Variants in MARCHF1 observed in about 807,000 individuals in gnomAD.
MARCHF1 encodes the protein E3 ubiquitin-protein ligase MARCHF1.
MARCHF1 carries 40 observed loss-of-function variants against 54.2 expected under a neutral mutation model. The ratio of observed to expected loss-of-function variants is 0.74; its 90% CI spans 0.57 to 0.96. The LOEUF (loss-of-function observed/expected upper bound fraction) is 0.96, where lower values mean the gene tolerates loss of function less well. MARCHF1 is among the 40% of genes least tolerant of loss of function. MARCHF1 has a pLI of 0.00. For synonymous variants in MARCHF1, 236 were observed against 236.3 expected (o/e 1.00, Z 0.01); for missense variants, 586 against 656.5 (o/e 0.89, Z 1.17).
intron 4 of MARCHF1, among the ~76,000 whole-genome samples, chr4:163,782,686 AAG>A (rs1554013230): frequency 6.7e-6 from 1 of 150,360 alleles, no homozygotes; most frequent in African/African-American, 2.5e-5. Context: ...AAAAAAAAAA[AAG>A]AAAGAAAGAA....
intron 1 of MARCHF1, among the ~76,000 whole-genome samples, chr4:164,209,519 G>C (rs143158151): frequency 3.3e-5 from 5 of 152,196 alleles, no homozygotes; most frequent in African/African-American, 1.2e-4. Flanking sequence ...AAACTATAAG[G>C]TTCCATATGA....
intron 4 of MARCHF1, among the ~76,000 whole-genome samples, chr4:163,746,780 C>T (rs1746373533): frequency 6.6e-6 from 1 of 152,142 alleles, no homozygotes; most frequent in Non-Finnish European, 1.5e-5. Flanking sequence ...GCTAATGTGA[C>T]TGACATCTGT....
chr4:163,884,128 G>C (rs116413728), intron 3 of MARCHF1, among the ~76,000 whole-genome samples: 6 of 152,088 alleles, frequency 3.9e-5, no homozygotes, highest in Non-Finnish European at 8.8e-5. Flanking sequence ...TGTTAGAGGT[G>C]CTCAAACCAT....
chr4:163,918,598 C>T (rs1374244218), intron 3 of MARCHF1, among the ~76,000 whole-genome samples: 1 of 152,128 alleles, frequency 6.6e-6, no homozygotes, highest in African/African-American at 2.4e-5. Context: ...CAACATGCAA[C>T]TTCACTTTAT....
rs1165176091 is a variant in MARCHF1 at position 163,619,155 on chromosome 4, T to C, written c.163-5762A>G. Among the ~76,000 whole-genome samples, 9 of 152,186 alleles carry C rather than the reference T, an allele frequency of 5.9e-5. No homozygotes were observed. The South Asian group carries it at 1.2e-3, about 21-fold the overall frequency. On this transcript the variant is annotated intron_variant, in intron 5 of 9. Coordinates refer to ENST00000514618, the MANE Select transcript of MARCHF1 (RefSeq NM_001394959.1). ...GTAGATGGAGGTTTTGAATGTTACATTGACGTGTTGGATTGCATCCTGAAA... is the reference window on the plus strand; with the variant it reads ...GTAGATGGAGGTTTTGAATGTTACACTGACGTGTTGGATTGCATCCTGAAA...
intron 3 of MARCHF1, among the ~76,000 whole-genome samples, chr4:163,869,322 T>C (rs971164824): frequency 2.0e-5 from 3 of 152,066 alleles, no homozygotes; most frequent in Non-Finnish European, 2.9e-5. Context: ...TTTAGGAAAT[T>C]TGTCACAGAG....
chr4:163,631,682 A>G (rs1742088841), intron 5 of MARCHF1, among the ~76,000 whole-genome samples: 1 of 152,218 alleles, frequency 6.6e-6, no homozygotes, highest in Admixed American at 6.5e-5. Context: ...TACAAGATAA[A>G]GTTTAATTAA....
intron 4 of MARCHF1, among the ~76,000 whole-genome samples, chr4:163,765,579 T>C (rs1458352781): frequency 6.6e-6 from 1 of 152,082 alleles, no homozygotes; most frequent in Non-Finnish European, 1.5e-5. Context: ...TTATAAATTG[T>C]GTGCTACACA....
At chr4:164,346,892 C>T (rs548053407) in intron 1 of MARCHF1, among the ~76,000 whole-genome samples, 62 of 151,934 alleles carry the variant, frequency 4.1e-4, no homozygotes, top group African/African-American at 1.3e-3. Context: ...CCTCTTTAAA[C>T]ATCTTTAGGA....
intron 1 of MARCHF1, among the ~76,000 whole-genome samples, chr4:164,211,331 G>GTATGTATATA (rs1553992061): frequency 2.6e-5 from 3 of 115,960 alleles, no homozygotes; most frequent in Admixed American, 7.9e-5. Context: ...ATGTATGTAT[G>GTATGTATATA]TATATATATA....
intron 4 of MARCHF1, among the ~76,000 whole-genome samples, chr4:163,827,540 A>G (rs1284804996): frequency 6.6e-6 from 1 of 152,150 alleles, no homozygotes. Context: ...GATTGAATAA[A>G]ATGTTTCCTA....
At chr4:163,657,456 A>G (rs922820062) in intron 5 of MARCHF1, among the ~76,000 whole-genome samples, 4 of 152,150 alleles carry the variant, frequency 2.6e-5, no homozygotes, top group African/African-American at 4.8e-5. Context: ...GATAGGAAGA[A>G]TCAATATCAT....
chr4:163,679,821 C>T (rs995627801), intron 5 of MARCHF1, among the ~76,000 whole-genome samples: 142 of 151,826 alleles, frequency 9.4e-4, no homozygotes, highest in African/African-American at 3.3e-3. Flanking sequence ...ACCGTGGTCT[C>T]GATCTCCTGA....
intron 8 of MARCHF1, among the ~76,000 whole-genome samples, chr4:163,570,886 T>C (rs1370246754): frequency 2.0e-5 from 3 of 152,064 alleles, no homozygotes; most frequent in East Asian, 3.9e-4. Context: ...AGTACTGTTA[T>C]CTGCTATTTT....
intron 7 of MARCHF1, among the ~76,000 whole-genome samples, chr4:163,606,999 G>A (rs777736920): frequency 2.0e-5 from 3 of 151,988 alleles, no homozygotes; most frequent in South Asian, 2.1e-4. Flanking sequence ...ATGTAAGCCC[G>A]AAGCTACCTC....
At chr4:163,652,575 A>C (rs1055572723) in intron 5 of MARCHF1, among the ~76,000 whole-genome samples, 13 of 151,718 alleles carry the variant, frequency 8.6e-5, no homozygotes, top group African/African-American at 3.1e-4. Flanking sequence ...CCTATCTAAA[A>C]GTCCCCGTTT....
chr4:163,632,580 T>C (rs1250755614), intron 5 of MARCHF1, among the ~76,000 whole-genome samples: 1 of 152,212 alleles, frequency 6.6e-6, no homozygotes, highest in Non-Finnish European at 1.5e-5. Flanking sequence ...ATCCCGCACC[T>C]GGCTTGGAGG....
chr4:164,201,601 G>A (rs1731456782), intron 1 of MARCHF1, among the ~76,000 whole-genome samples: 1 of 152,162 alleles, frequency 6.6e-6, no homozygotes, highest in Admixed American at 6.5e-5. Flanking sequence ...CATGTTGGTG[G>A]TCTGGAAAGG....
At chr4:163,760,263 G>A (rs987925777) in intron 4 of MARCHF1, among the ~76,000 whole-genome samples, 9 of 152,110 alleles carry the variant, frequency 5.9e-5, no homozygotes, top group African/African-American at 2.2e-4. Context: ...TCTCATTTAA[G>A]GACCCCGGCA....
Sources: allele counts gnomAD v4.1 joint callset (sites outside exome capture counted in the v4.1 genomes callset), GRCh38; gene constraint gnomAD v4.1.1; transcripts MANE v1.5; gene names NCBI Gene and HGNC (gene_info 2026-07-23, HGNC 2026-07-21).